The following SSPN variants were observed in gnomAD, a reference collection of about 807,000 sequenced individuals.
SSPN encodes the protein sarcospan.
A neutral mutation model predicts 19.1 loss-of-function variants in SSPN; 15 were observed. The observed-to-expected ratio is 0.78, with a 90% confidence interval of 0.52 to 1.21. The LOEUF (loss-of-function observed/expected upper bound fraction) is 1.21, where lower values mean the gene tolerates loss of function less well. Among genes scored for constraint, SSPN ranks in the 50% most tolerant of loss-of-function variants. The probability of loss-of-function intolerance (pLI) is 0.00; values close to 1 mark genes in which losing one functional copy is unlikely to be tolerated. For missense variants in SSPN, 291 were observed against 314.0 expected (o/e 0.93, Z 0.55); for synonymous variants, 147 against 140.3 (o/e 1.05, Z -0.34).
intron 1 of SSPN, among the ~76,000 whole-genome samples, chr12:26,153,007 C>T (rs1944534732): frequency 6.6e-6 from 1 of 152,208 alleles, no homozygotes; most frequent in Non-Finnish European, 1.5e-5. Flanking sequence ...TGCTCTTCCC[C>T]CACAGCATTC....
At chr12:26,203,185 G>A (rs1404020258) in intron 1 of SSPN, among the ~76,000 whole-genome samples, 2 of 152,154 alleles carry the variant, frequency 1.3e-5, no homozygotes, top group Non-Finnish European at 2.9e-5. Context: ...TTTGGGTGGG[G>A]ACACAGAATC....
At chr12:26,173,887 A>G (rs942987623) in intron 1 of SSPN, among the ~76,000 whole-genome samples, 3 of 152,266 alleles carry the variant, frequency 2.0e-5, no homozygotes, top group Admixed American at 1.3e-4. Flanking sequence ...GAATGAAGCA[A>G]TGAAGATTTA....
In SSPN at chr12:26,172,859, C is replaced by T. The variant is rs571972365; in HGVS notation, c.-31+50707C>T. On this transcript the variant is annotated intron_variant, in intron 1 of 2. Transcript: ENST00000538142. ...CCACTTTCTTTACAGATCTCTCTCT[C>T]TCTCTGTCTGTCTTTCCCCATGAAT... Among the ~76,000 whole-genome samples, 296 of 152,028 alleles carry T rather than the reference C, an allele frequency of 1.9e-3. 8 individuals are homozygous for T. In the South Asian group the frequency reaches 0.055, roughly 28 times the overall value.
chr12:26,125,195 C>A, intron 1 of SSPN: 2 of 319,220 alleles, frequency 6.3e-6, no homozygotes, highest in Non-Finnish European at 1.2e-5. Context: ...CAGGAGGGGG[C>A]GGGGACACCT....
intron 1 of SSPN, among the ~76,000 whole-genome samples, chr12:26,199,489 C>T (rs560775694): frequency 2.6e-5 from 4 of 152,166 alleles, no homozygotes; most frequent in South Asian, 2.1e-4. Context: ...TAAGTCATAC[C>T]GCAATGACAA....
intron 1 of SSPN, among the ~76,000 whole-genome samples, chr12:26,200,809 C>T (rs1944870245): frequency 6.6e-6 from 1 of 151,274 alleles, no homozygotes; most frequent in African/African-American, 2.4e-5. Context: ...TCCCTGGTAT[C>T]CCTGGGAAAT....
At chr12:26,151,131 A>G (rs1591851079) in intron 1 of SSPN, among the ~76,000 whole-genome samples, 1 of 152,128 alleles carries the variant, frequency 6.6e-6, no homozygotes, top group African/African-American at 2.4e-5. Flanking sequence ...TAATATTTCT[A>G]TGACTGTTCC....
Position 26,159,112 on chromosome 12 carries a change from G to A in SSPN, c.-31+36960G>A, listed in dbSNP as rs1353604408. On this transcript the variant is annotated intron_variant, in intron 1 of 2. Transcript: ENST00000538142. ...CTGGAGCCTGGCTCTACTCAGCCCT[G>A]GCCAGGCTGGATGGGGAGAGGAGGT... 4.6e-5 allele frequency among the ~76,000 whole-genome samples: 7 copies of A among 152,322 alleles called. 1 individual carries two copies. The highest frequency in any genetic ancestry group is 1.7e-4 in the African/African-American group (7 of 41,562).
At chr12:26,149,465 C>A (rs1045421336) in intron 1 of SSPN, among the ~76,000 whole-genome samples, 10 of 152,320 alleles carry the variant, frequency 6.6e-5, no homozygotes, top group African/African-American at 2.2e-4. Flanking sequence ...AGCTTCAGAG[C>A]AGCCAAATGC....
intron 1 of SSPN, among the ~76,000 whole-genome samples, chr12:26,142,947 CT>C (rs1276467718): frequency 6.6e-6 from 1 of 152,198 alleles, no homozygotes. Flanking sequence ...TTGCTTTTCA[CT>C]TTACTGTACC....
At chr12:26,124,208 A>G (rs778388881) in intron 1 of SSPN, 2 of 1,452,720 alleles carry the variant, frequency 1.4e-6, no homozygotes, top group Non-Finnish European at 1.9e-6. Flanking sequence ...TGGAAAAGAG[A>G]AAACAGTAAG....
chr12:26,171,247 T>C (rs1195932068), intron 1 of SSPN, among the ~76,000 whole-genome samples: 3 of 152,230 alleles, frequency 2.0e-5, no homozygotes, highest in African/African-American at 7.2e-5. Context: ...TAAATGTGTG[T>C]GTGTATACAT....
rs1281235569 is a variant in SSPN at position 26,195,747 on chromosome 12, C to A, written c.75C>A (p.Asp25Glu). 4 of 1,481,948 alleles carry A rather than the reference C, an allele frequency of 2.7e-6. No homozygotes were observed. Among genetic ancestry groups the A allele is most frequent in the Admixed American group, 2.3e-5 (1 of 43,184 alleles). 91.8% of individuals were successfully genotyped at this position (1,481,948 alleles called of 1,614,324 possible). A position where few individuals can be genotyped will look rare whatever the true frequency, so the allele number is the denominator to read the frequency against. ...CGGCCGCGGACGCCGCTGGGCCCGA[C>A]GACATGGAGCCGAAGAAGGGCACGG... Reference protein sequence around the residue: ...GPPAADAAGPDDMEPKKGTGA... With the variant: ...GPPAADAAGPEDMEPKKGTGA... The change falls in exon 1 of 3, where the codon GAC becomes GAA. Residue 25 changes from aspartate to glutamate, a missense_variant. Physicochemically the swap from Asp to Glu is conservative, Grantham distance 45 (BLOSUM62 2). Coordinates refer to ENST00000242729, the MANE Select transcript of SSPN (RefSeq NM_005086.5).
rs896355017 is a variant in SSPN, at chr12:26,231,857, T to C, written c.*781T>C. ...ATCTAAAACAAATCATTAAAACTAATTTCTAGCTAATTGTTAATTATAATT... is the reference window on the plus strand; with the variant it reads ...ATCTAAAACAAATCATTAAAACTAACTTCTAGCTAATTGTTAATTATAATT... On this transcript the variant is annotated 3_prime_UTR_variant, in exon 3 of 3. Transcript: ENST00000242729. The C allele has an allele frequency of 4.9e-6, 4 of 822,650 alleles. No individual in the cohort carries two copies. Among genetic ancestry groups the C allele is most frequent in the Non-Finnish European group, 5.9e-6 (4 of 681,732 alleles). The allele number at this position is 822,650 out of a possible 1,614,324, so 51.0% of individuals were successfully genotyped here. A position where few individuals can be genotyped will look rare whatever the true frequency, so the allele number is the denominator to read the frequency against.
chr12:26,122,501 C>T, intron 1 of SSPN: 2 of 1,311,512 alleles, frequency 1.5e-6, no homozygotes, highest in South Asian at 1.8e-5. Context: ...CCGCGGGCTG[C>T]GGGAAGGGCG....
At chr12:26,209,472 A>G (rs573916095) in intron 1 of SSPN, among the ~76,000 whole-genome samples, 4 of 151,950 alleles carry the variant, frequency 2.6e-5, no homozygotes, top group East Asian at 3.9e-4. Flanking sequence ...CCTGTCTAGT[A>G]TGTTTCATCT....
intron 1 of SSPN, among the ~76,000 whole-genome samples, chr12:26,171,335 T>G (rs1298325412): frequency 6.6e-6 from 1 of 152,254 alleles, no homozygotes; most frequent in Non-Finnish European, 1.5e-5. Context: ...TTCTAGTTAC[T>G]TCAAACTTCA....
intron 1 of SSPN, 49 bp from the exon 2 acceptor site, chr12:26,224,244 C>A: frequency 7.4e-7 from 1 of 1,343,008 alleles, no homozygotes. Flanking sequence ...GTCATTTGAA[C>A]GCACAACGTA....
At chr12:26,124,744 C>T (rs1361407441) in intron 1 of SSPN, 3 of 1,614,216 alleles carry the variant, frequency 1.9e-6, no homozygotes, top group African/African-American at 1.3e-5. Flanking sequence ...GTTCCAGTAA[C>T]TGTCTCTCTT....
Sources: allele counts gnomAD v4.1 joint callset (sites outside exome capture counted in the v4.1 genomes callset), GRCh38; gene constraint gnomAD v4.1.1; transcripts MANE v1.5; gene names NCBI Gene and HGNC (gene_info 2026-07-23, HGNC 2026-07-21).